The following PDE4D variants were observed in gnomAD, a reference collection of about 807,000 sequenced individuals.
PDE4D encodes the protein phosphodiesterase 4D.
A neutral mutation model predicts 87.4 loss-of-function variants in PDE4D; 24 were observed. The observed-to-expected ratio is 0.27, with a 90% CI of 0.20 to 0.39. PDE4D has a LOEUF of 0.39. PDE4D is among the 10% of genes least tolerant of loss of function. PDE4D has a pLI of 1.00. For missense variants in PDE4D, 714 were observed against 1,041.0 expected, an observed-to-expected ratio of 0.69 and a Z score of 4.32; for synonymous variants, 384 against 383.2, an observed-to-expected ratio of 1.00 and a Z score of -0.02.
chr5:60,186,258 G>A lies in PDE4D; in HGVS notation c.-89-571C>T, dbSNP rs553501021. The stretch of plus-strand genomic sequence containing the variant: ...CTTAGTGGTTGTAAGGAATACTTGA[G>A]AAGATGAGAACAAAAAGTATAAGCA... On this transcript the variant is annotated intron_variant, in intron 1 of 16. Coordinates refer to the PDE4D transcript ENST00000502484. 1.6e-4 allele frequency among the ~76,000 whole-genome samples: 25 copies of A among 152,274 alleles called. 1 individual carries two copies. In the South Asian group the frequency reaches 5.2e-3, roughly 32 times the overall value.
intron 1 of PDE4D, among the ~76,000 whole-genome samples, chr5:59,262,471 C>G (rs1335095472): frequency 6.6e-6 from 1 of 151,602 alleles, no homozygotes; most frequent in Non-Finnish European, 1.5e-5. Context: ...TCTTGCCATT[C>G]CAAATATTTA....
At chr5:59,380,895 G>A (rs1480348395) in intron 1 of PDE4D, among the ~76,000 whole-genome samples, 2 of 151,960 alleles carry the variant, frequency 1.3e-5, no homozygotes, top group African/African-American at 2.4e-5. Context: ...TGTAAATAAA[G>A]TTTATTGGAA....
chr5:59,287,946 C>G (rs1167798093), intron 1 of PDE4D, among the ~76,000 whole-genome samples: 1 of 152,026 alleles, frequency 6.6e-6, no homozygotes, highest in East Asian at 1.9e-4. Flanking sequence ...AAAACTCAGA[C>G]CACAACACCC....
intron 1 of PDE4D, chr5:59,586,272 G>A (rs1825105043): frequency 1.5e-6 from 2 of 1,310,106 alleles, no homozygotes; most frequent in South Asian, 1.2e-5. Context: ...TCTGGTACCT[G>A]TCACGGAATT....
chr5:59,965,513 T>C (rs373199932), intron 3 of PDE4D, among the ~76,000 whole-genome samples: 52 of 152,222 alleles, frequency 3.4e-4, no homozygotes, highest in African/African-American at 1.2e-3. Flanking sequence ...GAAGGCACTA[T>C]GCCTCTTTTT....
At chr5:59,733,465 T>A (rs541976294) in intron 1 of PDE4D, among the ~76,000 whole-genome samples, 1 of 152,144 alleles carries the variant, frequency 6.6e-6, no homozygotes, top group East Asian at 1.9e-4. Context: ...CATACCCCAA[T>A]AAGGATGTAC....
chr5:59,258,666 ATATAT>A (rs1311751082), intron 1 of PDE4D, among the ~76,000 whole-genome samples: 5 of 148,674 alleles, frequency 3.4e-5, no homozygotes, highest in Admixed American at 1.4e-4. Context: ...AATATATATC[ATATAT>A]TATATATCAT....
At chr5:60,174,037 G>T (rs1783705728) in intron 2 of PDE4D, among the ~76,000 whole-genome samples, 1 of 152,162 alleles carries the variant, frequency 6.6e-6, no homozygotes, top group Admixed American at 6.6e-5. Context: ...GTTTAAAGAT[G>T]AGGAAGAATA....
chr5:59,231,691 G>A (rs1019371584), intron 1 of PDE4D, among the ~76,000 whole-genome samples: 4 of 152,200 alleles, frequency 2.6e-5, no homozygotes, highest in African/African-American at 9.7e-5. Flanking sequence ...CGTACTGAAA[G>A]TACATTAGAC....
intron 2 of PDE4D, among the ~76,000 whole-genome samples, chr5:60,080,390 T>G (rs1045492336): frequency 6.6e-6 from 1 of 152,216 alleles, no homozygotes; most frequent in South Asian, 2.1e-4. Context: ...CTTGCCTGAT[T>G]GCCCTGGTCA....
rs183610211 is a variant in PDE4D, at chr5:59,011,484, A to G, written c.922-18019T>C. On this transcript the variant is annotated intron_variant, in intron 6 of 14. Transcript: ENST00000340635. ...ATGGAGCTGAAAACCATGGCATGAG[A>G]ACTACATGATGCATTCACAAGTTTC... Among the ~76,000 whole-genome samples, 55 of 152,338 alleles carry G rather than the reference A, an allele frequency of 3.6e-4. 1 individual carries two copies. The highest frequency in any genetic ancestry group is 1.3e-3 in the African/African-American group (54 of 41,574).
chr5:59,004,290 GCTATTTAA>G (rs1751134682), intron 6 of PDE4D, among the ~76,000 whole-genome samples: 1 of 152,166 alleles, frequency 6.6e-6, no homozygotes, highest in Non-Finnish European at 1.5e-5. Context: ...CCTTGGGGAA[GCTATTTAA>G]ATTTCCCATA....
chr5:58,998,411 T>C (rs1381541998), intron 6 of PDE4D, among the ~76,000 whole-genome samples: 1 of 152,104 alleles, frequency 6.6e-6, no homozygotes. Flanking sequence ...TTATATTTAC[T>C]CTCTATACTT....
Position 59,462,038 on chromosome 5 carries a change from G to A in PDE4D, c.456-246070C>T, listed in dbSNP as rs559883076. On this transcript the variant is annotated intron_variant, in intron 1 of 14. Transcript: ENST00000340635. Reference sequence around the variant, plus strand: ...TAAGAAGTATTCTTAGCTATTCTATGATAGTCAGATTAAGTAATGGAGGCA... The same window carrying A: ...TAAGAAGTATTCTTAGCTATTCTATAATAGTCAGATTAAGTAATGGAGGCA... 5.9e-5 allele frequency among the ~76,000 whole-genome samples: 9 copies of A among 152,182 alleles called. No homozygotes were observed. In the South Asian group the frequency reaches 1.9e-3, roughly 32 times the overall value.
chr5:59,192,493 TCTGA>T (rs2153485932), intron 3 of PDE4D, among the ~76,000 whole-genome samples: 1 of 152,248 alleles, frequency 6.6e-6, no homozygotes, highest in South Asian at 2.1e-4. Context: ...TTTAACTAGA[TCTGA>T]CTGTCTTTCA....
chr5:59,465,235 C>T lies in PDE4D; in HGVS notation c.456-249267G>A, dbSNP rs574117960. Among the ~76,000 whole-genome samples the T allele has an allele frequency of 5.9e-5, 9 of 152,294 alleles. No individual in the cohort carries two copies. The South Asian group carries it at 1.0e-3, about 18-fold the overall frequency. ...TTCAGTACTGTTTCCTACATCAGGA[C>T]TTTGCACATGCTGTTCCCAGACACT... On this transcript the variant is annotated intron_variant, in intron 1 of 14. Coordinates refer to ENST00000340635, the MANE Select transcript of PDE4D (RefSeq NM_001104631.2).
chr5:59,036,216 C>T (rs1758472344), intron 6 of PDE4D, among the ~76,000 whole-genome samples: 1 of 152,158 alleles, frequency 6.6e-6, no homozygotes, highest in Admixed American at 6.5e-5. Flanking sequence ...TTCTCTATCA[C>T]CATTTAAAAA....
At chr5:59,948,469 G>A (rs1320921757) in intron 3 of PDE4D, among the ~76,000 whole-genome samples, 1 of 152,206 alleles carries the variant, frequency 6.6e-6, no homozygotes, top group African/African-American at 2.4e-5. Flanking sequence ...TAGTTGTGCA[G>A]AGTGCAATTC....
chr5:60,500,995 T>A (rs188596648), intron 1 of PDE4D, among the ~76,000 whole-genome samples: 2,392 of 151,560 alleles, frequency 0.016, 33 homozygotes, highest in Non-Finnish European at 0.019. Context: ...TTTTTTTTTT[T>A]AATTTAATTT....
Sources: gnomAD v4.1 joint callset for allele counts (sites outside exome capture counted in the v4.1 genomes callset) on GRCh38, gnomAD v4.1.1 for gene constraint, MANE v1.5 for transcripts, NCBI Gene and HGNC (gene_info 2026-07-23, HGNC 2026-07-21) for gene names.